The following NUP133 variants were observed in gnomAD, a reference collection of about 807,000 sequenced individuals.
NUP133 encodes the protein nucleoporin 133, also known as nuclear pore complex protein Nup133.
Under a neutral mutation model 146.2 loss-of-function variants are expected in NUP133, and 66 were observed. That is an observed-to-expected ratio of 0.45 (90% CI 0.37 to 0.55). The LOEUF (loss-of-function observed/expected upper bound fraction) is 0.55, where lower values mean the gene tolerates loss of function less well. Ranked by LOEUF, NUP133 falls within the 20% of genes least tolerant of loss-of-function variation. The pLI, the probability that NUP133 is intolerant of heterozygous loss-of-function variation, is 0.00. For synonymous variants in NUP133, 521 were observed against 498.8 expected, an observed-to-expected ratio of 1.04 and a Z score of -0.59; for missense variants, 1,277 against 1,374.8, an observed-to-expected ratio of 0.93 and a Z score of 1.12.
rs751742841 is a variant in NUP133 at position 229,441,960 on chromosome 1, A to G, written c.3415T>C (p.Tyr1139His). 2.5e-6 allele frequency: 4 copies of G among 1,587,708 alleles called. No homozygotes were observed. Among genetic ancestry groups the G allele is most frequent in the Non-Finnish European group, 3.4e-6 (4 of 1,173,076 alleles). The change falls in exon 26 of 26, where the codon TAC becomes CAC. Residue 1139 changes from tyrosine (Y) to histidine (H), a missense_variant. Transcript: ENST00000261396. ...DQLGSLKSNPYFEFVLKANYE... is the reference protein window; with the variant it reads ...DQLGSLKSNPHFEFVLKANYE... ...TTTGCTTTCAAAACAAACTCGAAGTAAGGATTGGACTTTAAGCTTCCAAGC... is the reference window on the plus strand; with the variant it reads ...TTTGCTTTCAAAACAAACTCGAAGTGAGGATTGGACTTTAAGCTTCCAAGC...
Position 229,505,260 on chromosome 1 carries a change from A to G in NUP133, c.301+780T>C, listed in dbSNP as rs536813584. On this transcript the variant is annotated intron_variant, in intron 2 of 25. Transcript: ENST00000261396. ...TTTAGTTAATGACCCCAAACGAAGT[A>G]CAAGAGTAGTGCTGCTGGTATATTG... 1.4e-4 allele frequency among the ~76,000 whole-genome samples: 22 copies of G among 152,316 alleles called. No homozygotes were observed. In the South Asian group the frequency reaches 1.9e-3, roughly 13 times the overall value.
At chr1:229,444,771 C>T (rs544233420) in intron 25 of NUP133, 143 bp downstream of exon 25, 9 of 536,814 alleles carry the variant, frequency 1.7e-5, no homozygotes, top group South Asian at 1.1e-4. Flanking sequence ...TGCTTGAACC[C>T]GGGAGGTGGA....
At position 229,450,417 on chromosome 1, in the gene NUP133, TAC is replaced by T. The variant is rs900624940; in HGVS notation, c.3180+106_3180+107del. On this transcript the variant is annotated intron_variant, in intron 23 of 25. Transcript: ENST00000261396. ...GGATTAAAGGTAGTTGAACCACAGA[TAC>T]AGTCTTTTTTGCTTAATTCATTTTC... 112 of 557,294 alleles carry T rather than the reference TAC, an allele frequency of 2.0e-4. 1 individual carries two copies. Among genetic ancestry groups the T allele is most frequent in the African/African-American group, 1.6e-3 (81 of 51,902 alleles). 34.5% of individuals were successfully genotyped at this position (557,294 alleles called of 1,614,324 possible). A position where few individuals can be genotyped will look rare whatever the true frequency, so the allele number is the denominator to read the frequency against.
intron 1 of NUP133, among the ~76,000 whole-genome samples, chr1:229,507,135 A>T (rs1661966410): frequency 6.6e-6 from 1 of 152,252 alleles, no homozygotes; most frequent in South Asian, 2.1e-4. Context: ...CAGTAAATAA[A>T]GTATGCTTTT....
At position 229,441,050 on chromosome 1, in the gene NUP133, T is replaced by C. The variant is rs1666883678; in HGVS notation, c.*854A>G. Reference sequence around the variant, plus strand: ...ATAAACATTGAGTGAGTGATGACACTGGTCAGGACAAAGCTCTGAGAGTAC... The same window carrying C: ...ATAAACATTGAGTGAGTGATGACACCGGTCAGGACAAAGCTCTGAGAGTAC... On this transcript the variant is annotated 3_prime_UTR_variant, in exon 26 of 26. Transcript: ENST00000261396. 1 of 167,608 alleles carries C rather than the reference T, an allele frequency of 6.0e-6. No homozygotes were observed. The highest frequency in any genetic ancestry group is 1.3e-5 in the Non-Finnish European group (1 of 77,164). 10.4% of individuals were successfully genotyped at this position (167,608 alleles called of 1,614,324 possible).
chr1:229,497,885 T>C (rs1426499794), intron 6 of NUP133, among the ~76,000 whole-genome samples: 2 of 152,226 alleles, frequency 1.3e-5, no homozygotes, highest in African/African-American at 4.8e-5. Context: ...ATATTTTACA[T>C]AATAGTTTTA....
Position 229,464,841 on chromosome 1 carries a change from T to C in NUP133, c.2334A>G (p.Ile778Met). Residue 778 changes from isoleucine (I) to methionine (M), a missense_variant, in exon 18 of 26, where the codon ATA becomes ATG. Ile to Met is a conservative substitution (Grantham distance 10). Around this residue, in one of 3 missense-constraint regions of NUP133, gnomAD observed 952 missense variants for 1,047.0 expected, o/e 0.91. Transcript: ENST00000261396. Reference protein sequence around the residue: ...TSGPGGIRTVIIRQHEIVLKV... With the variant: ...TSGPGGIRTVMIRQHEIVLKV... Reference sequence around the variant, plus strand: ...TCAGGACAATCTCATGCTGGCGTATTATTACCGTTCGGATGCCACCAGGAC... The same window carrying C: ...TCAGGACAATCTCATGCTGGCGTATCATTACCGTTCGGATGCCACCAGGAC... 3 of 1,614,208 alleles carry C rather than the reference T, an allele frequency of 1.9e-6. No individual in the cohort carries two copies. Among genetic ancestry groups the C allele is most frequent in the African/African-American group, 2.7e-5 (2 of 75,048 alleles).
At chr1:229,458,983 A>G (rs1022365368) in intron 20 of NUP133, among the ~76,000 whole-genome samples, 2 of 152,180 alleles carry the variant, frequency 1.3e-5, no homozygotes, top group African/African-American at 4.8e-5. Flanking sequence ...TAAATAATCC[A>G]TAAGAAATGC....
In NUP133 at chr1:229,459,527, G is replaced by A. The variant is rs185833235; in HGVS notation, c.2844+1084C>T. Among the ~76,000 whole-genome samples, 116 of 152,238 alleles carry A rather than the reference G, an allele frequency of 7.6e-4. 2 individuals carry two copies. The highest frequency in any genetic ancestry group is 2.7e-3 in the African/African-American group (113 of 41,544). On this transcript the variant is annotated intron_variant, in intron 20 of 25. Transcript: ENST00000261396. ...TATATGTGTATGTGTGTACCTGTGT[G>A]TGTGTGCGTATAACATCCCCTCACC...
At chr1:229,449,482 C>A (rs1390387581) in intron 23 of NUP133, among the ~76,000 whole-genome samples, 4 of 151,832 alleles carry the variant, frequency 2.6e-5, no homozygotes, top group Non-Finnish European at 5.9e-5. Context: ...ATTCCCCTAC[C>A]TCAGCCTCCC....
At chr1:229,463,914 G>A (rs1660752327) in intron 18 of NUP133, among the ~76,000 whole-genome samples, 1 of 152,106 alleles carries the variant, frequency 6.6e-6, no homozygotes, top group African/African-American at 2.4e-5. Context: ...GGGAGGCTGA[G>A]GCGGGTGGAT....
intron 11 of NUP133, 28 bp from the exon 12 acceptor site, chr1:229,484,173 G>C: frequency 6.6e-7 from 1 of 1,503,780 alleles, no homozygotes; most frequent in Non-Finnish European, 9.2e-7. Flanking sequence ...ATAGTTTAGA[G>C]GTAAAGGCAT....
At chr1:229,452,324 T>G (rs1418014215) in intron 22 of NUP133, among the ~76,000 whole-genome samples, 4 of 152,218 alleles carry the variant, frequency 2.6e-5, no homozygotes. Flanking sequence ...TGGAGGTGTA[T>G]GGGGAGGCAG....
At chr1:229,457,321 T>A (rs1660592283) in intron 21 of NUP133, among the ~76,000 whole-genome samples, 2 of 152,196 alleles carry the variant, frequency 1.3e-5, no homozygotes, top group East Asian at 3.9e-4. Flanking sequence ...TACAGAGTTT[T>A]TCTTCACTGT....
At position 229,473,983 on chromosome 1, in the gene NUP133, T is replaced by A. The variant is rs377148462; in HGVS notation, c.1851+1655A>T. Among the ~76,000 whole-genome samples the A allele has an allele frequency of 2.2e-4, 34 of 152,348 alleles. 1 individual carries two copies. In the East Asian group the frequency reaches 4.2e-3, roughly 19 times the overall value. ...TAATTTTTCATCCCAGCTGTCCTTG[T>A]GACTTGCTTTGACCAATGTCACTTT... On this transcript the variant is annotated intron_variant, in intron 14 of 25. Coordinates refer to ENST00000261396, the MANE Select transcript of NUP133 (RefSeq NM_018230.3).
At position 229,441,495 on chromosome 1, in the gene NUP133, A is replaced by C; in HGVS notation, c.*409T>G. 9 of 527,864 alleles carry C rather than the reference A, an allele frequency of 1.7e-5. No homozygotes were observed. Among genetic ancestry groups the C allele is most frequent in the South Asian group, 1.3e-4 (9 of 70,200 alleles). 32.7% of individuals were successfully genotyped at this position (527,864 alleles called of 1,614,324 possible). A position where few individuals can be genotyped will look rare whatever the true frequency, so the allele number is the denominator to read the frequency against. ...CTGAAACAGATATCAAACACCCTAG[A>C]TTCTCTTCAGTGCAAAGTATCTGGA... On this transcript the variant is annotated 3_prime_UTR_variant, in exon 26 of 26. Coordinates refer to ENST00000261396, the MANE Select transcript of NUP133 (RefSeq NM_018230.3).
At chr1:229,445,196 A>C (rs946908691) in intron 24 of NUP133, among the ~76,000 whole-genome samples, 194 bp from the exon 25 acceptor site, 2 of 152,194 alleles carry the variant, frequency 1.3e-5, no homozygotes, top group African/African-American at 4.8e-5. Flanking sequence ...ATTAGATATA[A>C]GACATTACAC....
rs1449621004 is a variant in NUP133, at chr1:229,449,210, A to G, written c.3181-20T>C. ...TTCTTCCTTCACAGCAAAACAAAAA[A>G]AATCCTGATTAAATCCTGGCTCTGA... On this transcript the variant is annotated intron_variant, in intron 23 of 25. Coordinates refer to ENST00000261396, the MANE Select transcript of NUP133 (RefSeq NM_018230.3). 1 of 1,535,456 alleles carries G rather than the reference A, an allele frequency of 6.5e-7. No individual in the cohort carries two copies. Among genetic ancestry groups the G allele is most frequent in the Admixed American group, 1.7e-5 (1 of 57,490 alleles).
intron 21 of NUP133, among the ~76,000 whole-genome samples, chr1:229,454,886 TA>T (rs11359751): frequency 0.028 from 4,211 of 152,274 alleles, 162 homozygotes; most frequent in African/African-American, 0.087. Flanking sequence ...GAAGGAAGAT[TA>T]TCCCAAACAG....
Sources: allele counts gnomAD v4.1 joint callset (sites outside exome capture counted in the v4.1 genomes callset), GRCh38; gene constraint gnomAD v4.1.1; regional missense constraint gnomAD v4.1.1; transcripts MANE v1.5; gene names NCBI Gene and HGNC (gene_info 2026-07-23, HGNC 2026-07-21).